GARNL3: variants seen among roughly 807,000 people sequenced by gnomAD.
The protein encoded by GARNL3 is GTPase-activating Rap/Ran-GAP domain-like protein 3.
Under a neutral mutation model 125.0 loss-of-function variants are expected in GARNL3, and 63 were observed. The ratio of observed to expected loss-of-function variants is 0.50; its 90% confidence interval spans 0.41 to 0.62. GARNL3 has a LOEUF of 0.62. Ranked by LOEUF, GARNL3 falls within the 20% of genes least tolerant of loss-of-function variation. GARNL3 has a pLI of 0.00. For missense variants in GARNL3, 994 were observed against 1,244.0 expected (o/e 0.80, Z 3.02); for synonymous variants, 439 against 457.5 (o/e 0.96, Z 0.52).
rs530850620 is a variant in GARNL3, at chr9:127,380,924, G to A, written c.2162-2514G>A. On this transcript the variant is annotated intron_variant, in intron 22 of 27. Coordinates refer to ENST00000373387, the MANE Select transcript of GARNL3 (RefSeq NM_032293.5). ...TGAGACAGTCTAGCTTTGTCACCAG[G>A]CTGGAGTGCAGTGGCGTGATCTTGG... Among the ~76,000 whole-genome samples the A allele has an allele frequency of 9.5e-4, 144 of 152,268 alleles. 1 individual carries two copies. The highest frequency in any genetic ancestry group is 2.9e-3 in the South Asian group (14 of 4,818).
intron 1 of GARNL3, chr9:127,225,242 C>T (rs1019836196): frequency 1.8e-5 from 9 of 507,928 alleles, no homozygotes; most frequent in Non-Finnish European, 2.0e-5. Context: ...CTGCGGCGCG[C>T]GAGCCGAGCG....
intron 1 of GARNL3, among the ~76,000 whole-genome samples, chr9:127,283,340 A>G (rs1024935996): frequency 3.0e-4 from 45 of 152,180 alleles, no homozygotes; most frequent in Non-Finnish European, 2.2e-4. Flanking sequence ...AAATGTGACT[A>G]GTGCACTCAG....
chr9:127,358,217 G>C (rs974254146), intron 21 of GARNL3, among the ~76,000 whole-genome samples: 2 of 152,222 alleles, frequency 1.3e-5, no homozygotes, highest in African/African-American at 4.8e-5. Flanking sequence ...TCTGTCACTG[G>C]AGAGCGTTCA....
intron 1 of GARNL3, among the ~76,000 whole-genome samples, chr9:127,234,421 G>A (rs1330822859): frequency 2.0e-5 from 3 of 152,174 alleles, no homozygotes; most frequent in Non-Finnish European, 2.9e-5. Context: ...GAGACTCACG[G>A]CTGGTTTTCC....
chr9:127,247,507 A>G lies in GARNL3; in HGVS notation c.143+4258A>G, dbSNP rs191613552. Reference sequence around the variant, plus strand: ...ATGCTTGCCAGCCTCCCTGTCTCCTACTGTCCATAGTTTAGTTTTTGATCT... The same window carrying G: ...ATGCTTGCCAGCCTCCCTGTCTCCTGCTGTCCATAGTTTAGTTTTTGATCT... On this transcript the variant is annotated intron_variant, in intron 2 of 10. Coordinates refer to the GARNL3 transcript ENST00000439286. 2.8e-3 allele frequency among the ~76,000 whole-genome samples: 429 copies of G among 152,142 alleles called. 1 individual carries two copies. Among genetic ancestry groups the G allele is most frequent in the Non-Finnish European group, 4.4e-3 (301 of 67,998 alleles).
intron 12 of GARNL3, 116 bp from the exon 13 acceptor site, chr9:127,339,529 G>T (rs1829748005): frequency 1.4e-6 from 1 of 727,170 alleles, no homozygotes; most frequent in East Asian, 2.5e-5. Context: ...CTCTCCCTGG[G>T]TCCCACCCAT....
chr9:127,299,556 TTTTTTG>T (rs949889842), intron 2 of GARNL3, among the ~76,000 whole-genome samples: 3 of 151,910 alleles, frequency 2.0e-5, no homozygotes, highest in Non-Finnish European at 2.9e-5. Flanking sequence ...CCTGGCTAAT[TTTTTTG>T]TTTTTGTTTT....
chr9:127,313,310 TC>T (rs2065144364), intron 3 of GARNL3, 130 bp from the exon 4 acceptor site: 2 of 731,976 alleles, frequency 2.7e-6, no homozygotes, highest in Non-Finnish European at 5.0e-6. Context: ...TCAGGGTCCA[TC>T]CCAAGCTGGC....
At chr9:127,247,849 T>C (rs576961579) in intron 2 of GARNL3, among the ~76,000 whole-genome samples, 1 of 152,348 alleles carries the variant, frequency 6.6e-6, no homozygotes, top group African/African-American at 2.4e-5. Flanking sequence ...CACCTTGTTG[T>C]GCTAGCAAAT....
At chr9:127,348,844 G>T (rs1343078417) in intron 16 of GARNL3, 80 bp from the exon 17 acceptor site, 2 of 902,882 alleles carry the variant, frequency 2.2e-6, no homozygotes, top group African/African-American at 1.7e-5. Flanking sequence ...TTCAGGTGTG[G>T]TACTGTACAT....
intron 11 of GARNL3, among the ~76,000 whole-genome samples, 193 bp from the exon 12 acceptor site, chr9:127,337,923 A>T (rs573614164): frequency 6.6e-6 from 1 of 152,290 alleles, no homozygotes; most frequent in South Asian, 2.1e-4. Context: ...GAACCTACTC[A>T]TGGTGCCCTC....
intron 22 of GARNL3, among the ~76,000 whole-genome samples, chr9:127,366,587 G>A (rs139972867): frequency 1.8e-3 from 268 of 152,358 alleles, no homozygotes; most frequent in Non-Finnish European, 3.2e-3. Context: ...TTGTGGCAGA[G>A]TGTTTTAAAA....
chr9:127,373,792 T>G (rs10987624), intron 22 of GARNL3, among the ~76,000 whole-genome samples: 6,679 of 152,052 alleles, frequency 0.044, 422 homozygotes, highest in East Asian at 0.21. Context: ...GGGAGGTTGA[T>G]GTGGGCAGAT....
rs1178656120 is a variant in GARNL3 at position 127,333,095 on chromosome 9, G to T, written c.743G>T (p.Gly248Val). The T allele has an allele frequency of 2.5e-6, 4 of 1,613,860 alleles. No homozygotes were observed. The highest frequency in any genetic ancestry group is 3.4e-6 in the Non-Finnish European group (4 of 1,179,904). ...GDTITLKGWT[G>V]YRGGLDTKND... ...ACAATCACTCTAAAGGGCTGGACGG[G>T]CTACCGTGGCGGTCTGGATACCAAA... The change falls in exon 9 of 28, where the codon GGC (glycine) becomes GTC (valine). Residue 248 changes from glycine to valine, a missense_variant. This residue lies in a region of GARNL3 where 71 missense variants were observed against 66.2 expected (regional missense o/e 1.07). Coordinates refer to ENST00000373387, the MANE Select transcript of GARNL3 (RefSeq NM_032293.5).
At chr9:127,225,808 C>CGGCCCCCGA (rs2062900850) in intron 1 of GARNL3, among the ~76,000 whole-genome samples, 2 of 2,210 alleles carry the variant, frequency 9.0e-4, no homozygotes, top group African/African-American at 2.3e-3. Flanking sequence ...GCGGCCCCCG[C>CGGCCCCCGA]GCCCCTCGCG....
intron 5 of GARNL3, 79 bp downstream of exon 5, chr9:127,318,206 G>A: frequency 1.1e-6 from 1 of 880,166 alleles, no homozygotes; most frequent in South Asian, 1.3e-5. Flanking sequence ...TCATTCTGAT[G>A]TTACCTTTCC....
chr9:127,331,449 C>T (rs1486728004), intron 7 of GARNL3, among the ~76,000 whole-genome samples: 8 of 151,540 alleles, frequency 5.3e-5, no homozygotes, highest in South Asian at 2.1e-4. Flanking sequence ...GCTGAGATCA[C>T]GCCACTGCAC....
upstream of GARNL3, among the ~76,000 whole-genome samples, chr9:127,261,110 G>T (rs1378751491): frequency 6.6e-6 from 1 of 152,020 alleles, no homozygotes; most frequent in Non-Finnish European, 1.5e-5. Context: ...ACAAAAATTA[G>T]CTGGGCATGG....
At chr9:127,239,670 G>T (rs1190657027) in intron 1 of GARNL3, among the ~76,000 whole-genome samples, 1 of 152,184 alleles carries the variant, frequency 6.6e-6, no homozygotes, top group Non-Finnish European at 1.5e-5. Flanking sequence ...TAAATAGTGA[G>T]AAGATAAAGG....
Sources: gnomAD v4.1 joint callset for allele counts (sites outside exome capture counted in the v4.1 genomes callset) on GRCh38, gnomAD v4.1.1 for gene constraint, gnomAD v4.1.1 regional missense constraint, MANE v1.5 for transcripts, NCBI Gene and HGNC (gene_info 2026-07-23, HGNC 2026-07-21) for gene names.